Variants in TAOK2 observed in about 807,000 individuals in gnomAD.
TAOK2 encodes the protein serine/threonine-protein kinase TAO2.
TAOK2 carries 42 observed loss-of-function variants against 122.5 expected under a neutral mutation model. That is an observed-to-expected ratio of 0.34 (90% CI 0.27 to 0.44). The LOEUF is 0.44. Among genes scored for constraint, TAOK2 ranks in the 20% least tolerant of loss-of-function variants. TAOK2 has a pLI of 1.00. For missense variants in TAOK2, 1,264 were observed against 1,644.9 expected, an observed-to-expected ratio of 0.77 and a Z score of 4.01; for synonymous variants, 704 against 677.6, an observed-to-expected ratio of 1.04 and a Z score of -0.61.
downstream of TAOK2, chr16:29,989,697 T>G (rs149931822): frequency 6.8e-6 from 11 of 1,614,010 alleles, no homozygotes; most frequent in African/African-American, 1.5e-4. Context: ...CGCCCAAAGC[T>G]CAGCACAAGA....
downstream of TAOK2, chr16:29,989,178 C>T (rs1309510410): frequency 3.9e-5 from 38 of 985,210 alleles, no homozygotes; most frequent in Non-Finnish European, 4.3e-5. Flanking sequence ...TATTTGCTCA[C>T]GTGCTTCTGT....
chr16:29,989,635 A>T, downstream of TAOK2: 1 of 1,614,080 alleles, frequency 6.2e-7, no homozygotes, highest in Non-Finnish European at 8.5e-7. Flanking sequence ...GGAGACGTGT[A>T]AGATCCAGAC....
chr16:29,991,696 C>T (rs1374045331), downstream of TAOK2: 1 of 1,196,654 alleles, frequency 8.4e-7, no homozygotes, highest in African/African-American at 1.6e-5. This position sits in a 1 kb window ranked among gnomAD's most constrained non-coding sequence, Gnocchi z 5.6. Flanking sequence ...CCCCTCAGAC[C>T]TCCTCATCTC....
At chr16:29,989,493 T>C (rs1442533172), downstream of TAOK2, 9 of 1,570,586 alleles carry the variant, frequency 5.7e-6, no homozygotes, top group East Asian at 2.3e-5. Context: ...TTCTCTCTCT[T>C]CTCCCCATTT....
At chr16:29,991,184 C>T, downstream of TAOK2, 1 of 1,611,076 alleles carries the variant, frequency 6.2e-7, no homozygotes, top group Non-Finnish European at 8.5e-7. This position sits in a 1 kb window ranked among gnomAD's most constrained non-coding sequence, Gnocchi z 5.6. Flanking sequence ...CTCTGGGGGG[C>T]ATCCCGGCTG....
chr16:29,991,486 C>A, downstream of TAOK2: 1 of 1,481,262 alleles, frequency 6.8e-7, no homozygotes, highest in Admixed American at 2.5e-5. This position sits in a 1 kb window ranked among gnomAD's most constrained non-coding sequence, Gnocchi z 5.6. Flanking sequence ...GGCCCCCCTG[C>A]TGCCGCGGTG....
At chr16:29,976,752 C>T (rs2069467399) in intron 1 of TAOK2, among the ~76,000 whole-genome samples, 1 of 152,144 alleles carries the variant, frequency 6.6e-6, no homozygotes, top group Admixed American at 6.5e-5. Context: ...TGGATACAGG[C>T]CTAACCGGGG....
chr16:29,980,717 G>C (rs563696098), intron 8 of TAOK2: 2 of 152,244 alleles, frequency 1.3e-5, no homozygotes, highest in Admixed American at 6.5e-5. Context: ...CCAAGTATAA[G>C]AAAAAGCTAG....
chr16:29,989,406 G>A, downstream of TAOK2: 1 of 983,882 alleles, frequency 1.0e-6, no homozygotes, highest in Non-Finnish European at 1.2e-6. Flanking sequence ...TCTGTATACA[G>A]CTCCCCCCAC....
chr16:29,978,361 G>A lies in TAOK2; in HGVS notation c.306+8G>A. ...AGGGAGCACACGGCTTGGGTGAGCT[G>A]GTGCCAGATTCTGGCCTGATCTTTA... On this transcript the variant is annotated splice_region_variant and intron_variant, in intron 4 of 15. Coordinates refer to ENST00000308893, the MANE Select transcript of TAOK2 (RefSeq NM_016151.4). The A allele has an allele frequency of 6.2e-7, 1 of 1,613,930 alleles. No homozygotes were observed. Among genetic ancestry groups the A allele is most frequent in the South Asian group, 1.1e-5 (1 of 91,072 alleles).
chr16:29,985,996 T>C lies in TAOK2; in HGVS notation c.1992+135T>C. 2 of 1,168,080 alleles carry C rather than the reference T, an allele frequency of 1.7e-6. No individual in the cohort carries two copies. The highest frequency in any genetic ancestry group is 2.4e-6 in the Non-Finnish European group (2 of 833,420). The allele number at this position is 1,168,080 out of a possible 1,614,324, so 72.4% of individuals were successfully genotyped here. On this transcript the variant is annotated intron_variant, in intron 15 of 15. Transcript: ENST00000308893. This position sits in a 1 kb window ranked among gnomAD's most constrained non-coding sequence, Gnocchi z 6.9. ...CAGTTCAGCTTTGCTTCAGTGCCCC[T>C]TTTACTTCTCATCCCCAACAGACCC...
chr16:29,988,246 A>G lies in TAOK2; in HGVS notation c.*266A>G. 2 of 1,450,458 alleles carry G rather than the reference A, an allele frequency of 1.4e-6. No individual in the cohort carries two copies. Among genetic ancestry groups the G allele is most frequent in the Non-Finnish European group, 1.8e-6 (2 of 1,107,494 alleles). The allele number at this position is 1,450,458 out of a possible 1,614,324, so 89.8% of individuals were successfully genotyped here. A position where few individuals can be genotyped will look rare whatever the true frequency, so the allele number is the denominator to read the frequency against. On this transcript the variant is annotated 3_prime_UTR_variant, in exon 16 of 16. Coordinates refer to ENST00000308893, the MANE Select transcript of TAOK2 (RefSeq NM_016151.4). ...TGCTCATCCTCACCCTCATTGACTCAGGCCTGGGGCCAGGGGTGGTGGAGG... is the reference window on the plus strand; with the variant it reads ...TGCTCATCCTCACCCTCATTGACTCGGGCCTGGGGCCAGGGGTGGTGGAGG...
At position 29,982,084 on chromosome 16, in the gene TAOK2, A is replaced by T. The variant is rs2069635525; in HGVS notation, c.831+144A>T. The T allele has an allele frequency of 1.5e-5, 10 of 653,228 alleles. No homozygotes were observed. In the South Asian group the frequency reaches 1.9e-4, roughly 12 times the overall value. The allele number at this position is 653,228 out of a possible 1,614,324, so 40.5% of individuals were successfully genotyped here. A position where few individuals can be genotyped will look rare whatever the true frequency, so the allele number is the denominator to read the frequency against. ...CCACCCCATCCCCAATGCCTAGTGG[A>T]CTCTGTGTTTTACAAGATTTTGTCT... On this transcript the variant is annotated intron_variant, in intron 10 of 15. Transcript: ENST00000308893.
At chr16:29,989,538 T>TTCCTCC, downstream of TAOK2, 3 of 1,604,582 alleles carry the variant, frequency 1.9e-6, no homozygotes, top group South Asian at 3.3e-5. Flanking sequence ...CTTCCTCCTC[T>TTCCTCC]TCCTCCTCCT....
downstream of TAOK2, chr16:29,989,821 C>A: frequency 1.2e-6 from 2 of 1,611,626 alleles, no homozygotes; most frequent in Admixed American, 1.7e-5. Context: ...GCCTGGGGTC[C>A]AGGGAGGGAG....
rs957187495 is a variant in TAOK2 at position 29,978,305 on chromosome 16, C to T, written c.258C>T (p.Pro86=). 17 of 1,614,026 alleles carry T rather than the reference C, an allele frequency of 1.1e-5. No homozygotes were observed. Among genetic ancestry groups the T allele is most frequent in the East Asian group, 4.5e-5 (2 of 44,894 alleles). The change falls in exon 4 of 16, where the codon CCC becomes CCT. Residue 86 remains proline (P), a synonymous_variant. Coordinates refer to ENST00000308893, the MANE Select transcript of TAOK2 (RefSeq NM_016151.4). The part of the protein sequence containing the change: ...EVRFLQKLRH[P]NTIQYRGCYL... ...GGTTCTTACAGAAGCTCCGGCATCC[C>T]AACACCATTCAGTACCGGGGCTGTT...
At chr16:29,991,450 C>T (rs556683238), downstream of TAOK2, 30 of 1,507,780 alleles carry the variant, frequency 2.0e-5, no homozygotes, top group Middle Eastern at 2.0e-4. This position sits in a 1 kb window ranked among gnomAD's most constrained non-coding sequence, Gnocchi z 5.6. Flanking sequence ...CGGGCAGCCT[C>T]GGGGGGCAGT....
chr16:29,979,023 G>C lies in TAOK2; in HGVS notation c.402G>C (p.Gly134=). 6.2e-7 allele frequency: 1 copy of C among 1,614,136 alleles called. No homozygotes were observed. Among genetic ancestry groups the C allele is most frequent in the Non-Finnish European group, 8.5e-7 (1 of 1,180,024 alleles). The change falls in exon 6 of 16, where the codon GGG becomes GGC. Residue 134 remains glycine, a synonymous_variant. Coordinates refer to ENST00000308893, the MANE Select transcript of TAOK2 (RefSeq NM_016151.4). This position sits in a 1 kb window ranked among gnomAD's most constrained non-coding sequence, Gnocchi z 4.1. The part of the protein sequence containing the change: ...QEVEIAAVTH[G]ALQGLAYLHS... The stretch of plus-strand genomic sequence containing the variant: ...TAGAGATCGCAGCTGTGACCCACGG[G>C]GCGCTTCAGGGCCTGGCATATCTGC...
downstream of TAOK2, chr16:29,988,685 T>G: frequency 1.0e-6 from 1 of 985,376 alleles, no homozygotes; most frequent in Non-Finnish European, 1.2e-6. Context: ...GCCCTTGGTC[T>G]CCTCATCCCT....
Sources: gnomAD v4.1 joint callset for allele counts (sites outside exome capture counted in the v4.1 genomes callset) on GRCh38, gnomAD v4.1.1 for gene constraint, Gnocchi (gnomAD v3.1) non-coding constraint, MANE v1.5 for transcripts, NCBI Gene and HGNC (gene_info 2026-07-23, HGNC 2026-07-21) for gene names.